Variants in GIPC3 observed in about 807,000 individuals in gnomAD.
GIPC3 encodes GIPC PDZ domain containing family member 3.
GIPC3 carries 16 observed loss-of-function variants against 27.3 expected under a neutral mutation model. That is an observed-to-expected ratio of 0.59 (90% CI 0.40 to 0.89). The LOEUF is 0.89. Among genes scored for constraint, GIPC3 ranks in the 40% least tolerant of loss-of-function variants. The pLI is 0.00. For missense variants in GIPC3, 440 were observed against 442.1 expected, an observed-to-expected ratio of 1.00 and a Z score of 0.04; for synonymous variants, 194 against 184.6, an observed-to-expected ratio of 1.05 and a Z score of -0.41.
In GIPC3 at chr19:3,591,337, G is replaced by GAACCCAGACA; in HGVS notation, c.*1148_*1157dup. ...AGCCCTGACAACAAGCCAAACTCTGGAACCCAGACACATTTTAAGACCCAG... is the reference window on the plus strand; with the variant it reads ...AGCCCTGACAACAAGCCAAACTCTGGAACCCAGACAAACCCAGACACATTTTAAGACCCAG... On this transcript the variant is annotated 3_prime_UTR_variant, in exon 6 of 6. Coordinates refer to ENST00000644452, the MANE Select transcript of GIPC3 (RefSeq NM_133261.3). The GAACCCAGACA allele has an allele frequency of 8.1e-7, 1 of 1,232,306 alleles. No homozygotes were observed. Among genetic ancestry groups the GAACCCAGACA allele is most frequent in the Non-Finnish European group, 1.0e-6 (1 of 988,250 alleles). The allele number at this position is 1,232,306 out of a possible 1,614,324, so 76.3% of individuals were successfully genotyped here.
rs1857431077 is a variant in GIPC3, at chr19:3,591,378, A to G, written c.*1188A>G. The stretch of plus-strand genomic sequence containing the variant: ...TAAGACCCAGACCAGCTTGGAGACC[A>G]ATCCCAGTTCCAGAATCCAGGCTAG... On this transcript the variant is annotated 3_prime_UTR_variant, in exon 6 of 6. Transcript: ENST00000644452. The G allele has an allele frequency of 8.1e-7, 1 of 1,232,234 alleles. No individual in the cohort carries two copies. The highest frequency in any genetic ancestry group is 1.6e-5 in the African/African-American group (1 of 64,398). 76.3% of individuals were successfully genotyped at this position (1,232,234 alleles called of 1,614,324 possible).
At position 3,593,104 on chromosome 19, in the gene GIPC3, C is replaced by A. The variant is rs139277211; in HGVS notation, c.*2914C>A. On this transcript the variant is annotated 3_prime_UTR_variant, in exon 6 of 6. Coordinates refer to ENST00000644452, the MANE Select transcript of GIPC3 (RefSeq NM_133261.3). ...GTCTCCTCAACCCCCCAGAAGCCAG[C>A]CGTCTCTCCCAAGCCCCGGGTGGGA... 4.1e-4 allele frequency: 511 copies of A among 1,232,632 alleles called. 2 individuals are homozygous for A. In the African/African-American group the frequency reaches 7.1e-3, roughly 17 times the overall value. 76.4% of individuals were successfully genotyped at this position (1,232,632 alleles called of 1,614,324 possible).
At chr19:3,589,104 G>A (rs532293398) in intron 3 of GIPC3, among the ~76,000 whole-genome samples, 1 of 152,262 alleles carries the variant, frequency 6.6e-6, no homozygotes, top group South Asian at 2.1e-4. Flanking sequence ...CTGGAACCCA[G>A]ACAAGAACAT....
intron 3 of GIPC3, 144 bp from the exon 4 acceptor site, chr19:3,589,299 T>C (rs2032435756): frequency 5.7e-6 from 4 of 702,024 alleles, no homozygotes; most frequent in Non-Finnish European, 7.9e-6. Context: ...CTCGAATAGG[T>C]CTCTGGAGAC....
intron 3 of GIPC3, among the ~76,000 whole-genome samples, chr19:3,587,666 T>TTCCTTTC (rs2032397962): frequency 1.3e-5 from 2 of 149,170 alleles, no homozygotes; most frequent in African/African-American, 5.1e-5. Flanking sequence ...TCTTTTCTTT[T>TTCCTTTC]TTTTTTCCTT....
rs138707041 is a variant in GIPC3, at chr19:3,586,588, C to A, written c.319C>A (p.Arg107=). The A allele has an allele frequency of 5.5e-5, 88 of 1,613,078 alleles. No individual in the cohort carries two copies. The African/African-American group carries it at 1.1e-3, about 20-fold the overall frequency. Residue 107 remains arginine, a synonymous_variant, in exon 2 of 6, where the codon CGA becomes AGA. Transcript: ENST00000644452. ...GLEDFIFAHV[R]GETKEVEVTK... is the part of the protein sequence containing the mutation. ...GGAGGACTTCATCTTTGCCCACGTG[C>A]GAGGCGAGACCAAGGAGGTGGAGGT...
rs2032460324 is a variant in GIPC3 at position 3,590,179 on chromosome 19, G to GCCTGTGGCTAGTTTGC, written c.933_*9dup. Reference sequence around the variant, plus strand: ...GGCCGCCATCGGCGAGGCCAGAGAGGCCTGTGGCTAGTTTGCCCTGGGGGG... The same window carrying GCCTGTGGCTAGTTTGC: ...GGCCGCCATCGGCGAGGCCAGAGAGGCCTGTGGCTAGTTTGCCCTGTGGCTAGTTTGCCCTGGGGGG... On this transcript the variant is annotated stop_gained and frameshift_variant, in exon 6 of 6. Transcript: ENST00000644452. LOFTEE classifies it high-confidence loss of function. 6.2e-7 allele frequency: 1 copy of GCCTGTGGCTAGTTTGC among 1,600,820 alleles called. No individual in the cohort carries two copies. Among genetic ancestry groups the GCCTGTGGCTAGTTTGC allele is most frequent in the Non-Finnish European group, 8.5e-7 (1 of 1,174,668 alleles).
chr19:3,589,753 G>T (rs1183890669), intron 4 of GIPC3, 78 bp from the exon 5 acceptor site: 2 of 1,407,060 alleles, frequency 1.4e-6, no homozygotes, highest in Non-Finnish European at 1.0e-6. Context: ...TCTTCCCTTA[G>T]GGGTGGGGGT....
Position 3,592,050 on chromosome 19 carries a change from G to A in GIPC3, c.*1860G>A, listed in dbSNP as rs1302997148. On this transcript the variant is annotated 3_prime_UTR_variant, in exon 6 of 6. Transcript: ENST00000644452. ...CCCAGCCAGCTCCAAAACACAGACAGCAGCTGAGACCCAGCCAAGTTCCAG... is the reference window on the plus strand; with the variant it reads ...CCCAGCCAGCTCCAAAACACAGACAACAGCTGAGACCCAGCCAAGTTCCAG... The A allele has an allele frequency of 6.5e-6, 8 of 1,231,946 alleles. No individual in the cohort carries two copies. Among genetic ancestry groups the A allele is most frequent in the Non-Finnish European group, 7.1e-6 (7 of 988,092 alleles). The allele number at this position is 1,231,946 out of a possible 1,614,324, so 76.3% of individuals were successfully genotyped here. A position where few individuals can be genotyped will look rare whatever the true frequency, so the allele number is the denominator to read the frequency against.
In GIPC3 at chr19:3,587,088, T is replaced by C. The variant is rs2032383795; in HGVS notation, c.592+94T>C. 9 of 1,208,410 alleles carry C rather than the reference T, an allele frequency of 7.4e-6. 1 individual carries two copies. The African/African-American group carries it at 9.0e-5, about 12-fold the overall frequency. 74.9% of individuals were successfully genotyped at this position (1,208,410 alleles called of 1,614,324 possible). A position where few individuals can be genotyped will look rare whatever the true frequency, so the allele number is the denominator to read the frequency against. ...TCGGGGATGGGACGGGCTGGAAGGT[T>C]CTAGGTGCACCCGCTGCGTGCCAAG... On this transcript the variant is annotated intron_variant, in intron 3 of 5. Coordinates refer to ENST00000644452, the MANE Select transcript of GIPC3 (RefSeq NM_133261.3).
In GIPC3 at chr19:3,591,829, G is replaced by C; in HGVS notation, c.*1639G>C. On this transcript the variant is annotated 3_prime_UTR_variant, in exon 6 of 6. Coordinates refer to ENST00000644452, the MANE Select transcript of GIPC3 (RefSeq NM_133261.3). The stretch of plus-strand genomic sequence containing the variant: ...GGAACCCCATCCATCTTGGAAGCAA[G>C]ACCCAGCTCCAGCACACAGCTTGGT... 1.6e-6 allele frequency: 2 copies of C among 1,233,646 alleles called. No individual in the cohort carries two copies. Among genetic ancestry groups the C allele is most frequent in the Admixed American group, 4.2e-5 (1 of 23,716 alleles). The allele number at this position is 1,233,646 out of a possible 1,614,324, so 76.4% of individuals were successfully genotyped here. A position where few individuals can be genotyped will look rare whatever the true frequency, so the allele number is the denominator to read the frequency against.
At chr19:3,587,342 C>T (rs8103706) in intron 3 of GIPC3, among the ~76,000 whole-genome samples, 34,452 of 151,994 alleles carry the variant, frequency 0.23, 6,279 homozygotes, top group African/African-American at 0.51. Context: ...AGTGCAATGG[C>T]GCGATCTCAG....
chr19:3,588,119 C>T (rs1219378986), intron 3 of GIPC3, among the ~76,000 whole-genome samples: 2 of 152,152 alleles, frequency 1.3e-5, no homozygotes, highest in African/African-American at 2.4e-5. Flanking sequence ...ATTCTCCTGC[C>T]TCAGCCTCCC....
chr19:3,590,221 G>T lies in GIPC3; in HGVS notation c.*31G>T. The T allele has an allele frequency of 6.4e-7, 1 of 1,561,818 alleles. No homozygotes were observed. Among genetic ancestry groups the T allele is most frequent in the Non-Finnish European group, 8.7e-7 (1 of 1,153,674 alleles). The stretch of plus-strand genomic sequence containing the variant: ...CCTGGGGGGGCCCAGCACAGCCCCA[G>T]CCCGGAGCCCAGCCCCCTGCCCCGG... On this transcript the variant is annotated 3_prime_UTR_variant, in exon 6 of 6. Transcript: ENST00000644452.
Position 3,592,339 on chromosome 19 carries a change from G to C in GIPC3, c.*2149G>C, listed in dbSNP as rs959738000. The C allele has an allele frequency of 3.2e-6, 4 of 1,231,970 alleles. No individual in the cohort carries two copies. Among genetic ancestry groups the C allele is most frequent in the Non-Finnish European group, 4.0e-6 (4 of 987,988 alleles). The allele number at this position is 1,231,970 out of a possible 1,614,324, so 76.3% of individuals were successfully genotyped here. A position where few individuals can be genotyped will look rare whatever the true frequency, so the allele number is the denominator to read the frequency against. The stretch of plus-strand genomic sequence containing the variant: ...CAGAGCAGTTCTGAAAGTCAGCTTA[G>C]CTTTGGAACTCAGCCCAGCTCTGGG... On this transcript the variant is annotated 3_prime_UTR_variant, in exon 6 of 6. Transcript: ENST00000644452.
chr19:3,585,692 G>C lies in GIPC3; in HGVS notation c.95G>C (p.Arg32Pro). ...CCCTCGGAGCCCCCGGCCGCGCCCC[G>C]CGCCCGCCCGCGCCTCGTCTTCCGC... ...PAPSEPPAAP[R>P]ARPRLVFRTQ... Residue 32 changes from arginine (R) to proline (P), a missense_variant, in exon 1 of 6, where the codon CGC (arginine) becomes CCC (proline). Arg to Pro is a moderately radical substitution (Grantham distance 103). Transcript: ENST00000644452. 1 of 1,421,894 alleles carries C rather than the reference G, an allele frequency of 7.0e-7. No homozygotes were observed. Among genetic ancestry groups the C allele is most frequent in the Non-Finnish European group, 9.3e-7 (1 of 1,079,036 alleles). The allele number at this position is 1,421,894 out of a possible 1,614,324, so 88.1% of individuals were successfully genotyped here.
Position 3,590,064 on chromosome 19 carries a change from G to T in GIPC3, c.813G>T (p.Lys271Asn), listed in dbSNP as rs755288298. The change falls in exon 6 of 6, where the codon AAG (lysine) becomes AAT (asparagine). Residue 271 changes from lysine (K) to asparagine (N), a missense_variant. Coordinates refer to ENST00000644452, the MANE Select transcript of GIPC3 (RefSeq NM_133261.3). ...CGTCCACCATGGTGGAGACGTCCAA[G>T]AAGACAGCGAGCGCCCAGGAGTTTG... is the stretch of plus-strand genomic sequence containing the variant. Reference protein sequence around the residue: ...ELASTMVETSKKTASAQEFAR... With the variant: ...ELASTMVETSNKTASAQEFAR... 1 of 1,612,102 alleles carries T rather than the reference G, an allele frequency of 6.2e-7. No individual in the cohort carries two copies. The highest frequency in any genetic ancestry group is 1.1e-5 in the South Asian group (1 of 90,890).
rs561115811 is a variant in GIPC3, at chr19:3,592,959, G to A, written c.*2769G>A. The A allele has an allele frequency of 3.3e-5, 9 of 275,246 alleles. No homozygotes were observed. The African/African-American group carries it at 5.6e-4, about 17-fold the overall frequency. 17.1% of individuals were successfully genotyped at this position (275,246 alleles called of 1,614,324 possible). A position where few individuals can be genotyped will look rare whatever the true frequency, so the allele number is the denominator to read the frequency against. ...CCCATCCCCCAGAGACCCCACCCCAGCCCCTAGCAAAGACCCCCAGCCTCT... is the reference window on the plus strand; with the variant it reads ...CCCATCCCCCAGAGACCCCACCCCAACCCCTAGCAAAGACCCCCAGCCTCT... On this transcript the variant is annotated 3_prime_UTR_variant, in exon 6 of 6. Coordinates refer to ENST00000644452, the MANE Select transcript of GIPC3 (RefSeq NM_133261.3).
In GIPC3 at chr19:3,585,828, G is replaced by T; in HGVS notation, c.225+6G>T. ...TCGGGATCGCGCCCACCGAGGTAAG[G>T]AGCCCGGACACCGGCGCCCAAGACC... On this transcript the variant is annotated splice_donor_region_variant and intron_variant, in intron 1 of 5. Coordinates refer to ENST00000644452, the MANE Select transcript of GIPC3 (RefSeq NM_133261.3). 6.5e-7 allele frequency: 1 copy of T among 1,542,306 alleles called. No homozygotes were observed.
Sources: gnomAD v4.1 joint callset for allele counts (sites outside exome capture counted in the v4.1 genomes callset) on GRCh38, gnomAD v4.1.1 for gene constraint, MANE v1.5 for transcripts, NCBI Gene and HGNC (gene_info 2026-07-23, HGNC 2026-07-21) for gene names.